Variants in PTPRD observed in about 807,000 individuals in gnomAD.
PTPRD encodes the protein protein tyrosine phosphatase receptor type D, also known as receptor-type tyrosine-protein phosphatase delta.
In PTPRD, 34 loss-of-function variants were observed where a neutral mutation model predicts 214.5. The ratio of observed to expected loss-of-function variants is 0.16; its 90% CI spans 0.12 to 0.21. The LOEUF (loss-of-function observed/expected upper bound fraction) is 0.21. Among genes scored for constraint, PTPRD ranks in the 10% least tolerant of loss-of-function variants. The pLI, the probability that PTPRD is intolerant of heterozygous loss-of-function variation, is 1.00. For synonymous variants in PTPRD, 1,128 were observed against 845.7 expected, an observed-to-expected ratio of 1.33 and a Z score of -5.79; for missense variants, 2,545 against 2,398.7, an observed-to-expected ratio of 1.06 and a Z score of -1.27.
At chr9:9,690,200 T>C (rs967569765) in intron 7 of PTPRD, among the ~76,000 whole-genome samples, 21 of 151,940 alleles carry the variant, frequency 1.4e-4, no homozygotes, top group Non-Finnish European at 2.2e-4. Flanking sequence ...GAGTGAAATA[T>C]CTGACTGTAG....
chr9:10,355,181 TTTAAG>T (rs1443099784), intron 2 of PTPRD, among the ~76,000 whole-genome samples: 1 of 152,182 alleles, frequency 6.6e-6, no homozygotes, highest in Non-Finnish European at 1.5e-5. Flanking sequence ...TTTCATATAA[TTTAAG>T]TTATTAAGAA....
intron 33 of PTPRD, among the ~76,000 whole-genome samples, chr9:8,455,809 T>C (rs1444860297): frequency 1.3e-5 from 2 of 152,196 alleles, no homozygotes; most frequent in South Asian, 2.1e-4. Flanking sequence ...AGGGAATCAG[T>C]TGTAGAAAAA....
At chr9:8,926,530 T>G (rs2154276401) in intron 11 of PTPRD, among the ~76,000 whole-genome samples, 1 of 152,310 alleles carries the variant, frequency 6.6e-6, no homozygotes, top group African/African-American at 2.4e-5. Flanking sequence ...GTGTTTTAAC[T>G]GAAAATTTCT....
At chr9:9,545,005 A>G (rs2078449684) in intron 8 of PTPRD, among the ~76,000 whole-genome samples, 1 of 151,662 alleles carries the variant, frequency 6.6e-6, no homozygotes, top group Non-Finnish European at 1.5e-5. Flanking sequence ...GGAGTTTTAC[A>G]TTCACAGCAA....
rs189786242 is a variant in PTPRD at position 10,222,069 on chromosome 9, T to C, written c.-545+118894A>G. On this transcript the variant is annotated intron_variant, in intron 3 of 45. Transcript: ENST00000381196. Reference sequence around the variant, plus strand: ...AGGTTACAGAAGTGTAAATTACCCATGATCACAATGTATAAAATCACAGTT... The same window carrying C: ...AGGTTACAGAAGTGTAAATTACCCACGATCACAATGTATAAAATCACAGTT... 5.3e-3 allele frequency among the ~76,000 whole-genome samples: 799 copies of C among 152,168 alleles called. 3 individuals carry two copies. Among genetic ancestry groups the C allele is most frequent in the African/African-American group, 0.018 (762 of 41,570 alleles).
At chr9:8,735,133 T>C (rs1210232612) in intron 11 of PTPRD, among the ~76,000 whole-genome samples, 1 of 148,408 alleles carries the variant, frequency 6.7e-6, no homozygotes, top group Non-Finnish European at 1.5e-5. Context: ...ATTTGGTTTT[T>C]TTTTGTTTTT....
chr9:10,084,444 T>C (rs1353765231), intron 3 of PTPRD, among the ~76,000 whole-genome samples: 2 of 151,874 alleles, frequency 1.3e-5, no homozygotes, highest in African/African-American at 2.4e-5. Flanking sequence ...AGGGAAAAAA[T>C]AAAATCCATG....
At chr9:9,148,398 G>T (rs954889644) in intron 10 of PTPRD, among the ~76,000 whole-genome samples, 22 of 152,046 alleles carry the variant, frequency 1.4e-4, no homozygotes, top group African/African-American at 5.3e-4. Context: ...AACCCAACCT[G>T]TAATTATATG....
chr9:9,773,097 G>C (rs1597386409), intron 5 of PTPRD, among the ~76,000 whole-genome samples: 1 of 152,114 alleles, frequency 6.6e-6, no homozygotes, highest in Admixed American at 6.6e-5. Flanking sequence ...TGAATATCAA[G>C]TGAATTTTAT....
chr9:10,458,076 A>G (rs966666765), intron 2 of PTPRD, among the ~76,000 whole-genome samples: 2 of 152,034 alleles, frequency 1.3e-5, no homozygotes, highest in African/African-American at 4.8e-5. Context: ...TCTCCCAGGA[A>G]AGAAAAACCC....
intron 3 of PTPRD, among the ~76,000 whole-genome samples, chr9:10,105,002 GAA>G (rs1465797090): frequency 6.6e-6 from 1 of 151,702 alleles, no homozygotes; most frequent in South Asian, 2.1e-4. Context: ...GTATATCTGG[GAA>G]AAGACTCCAA....
intron 8 of PTPRD, among the ~76,000 whole-genome samples, chr9:9,419,793 A>T (rs2142389152): frequency 6.6e-6 from 1 of 151,942 alleles, no homozygotes. Context: ...CAAGGAAAAC[A>T]AAATGTAATT....
intron 9 of PTPRD, among the ~76,000 whole-genome samples, chr9:9,349,207 G>A (rs939275519): frequency 1.3e-5 from 2 of 152,016 alleles, no homozygotes; most frequent in African/African-American, 4.8e-5. Flanking sequence ...TAAATCTCTT[G>A]CTAGGTGTTA....
intron 5 of PTPRD, among the ~76,000 whole-genome samples, chr9:9,924,689 GT>G (rs1275596630): frequency 9.9e-5 from 15 of 152,056 alleles, no homozygotes; most frequent in African/African-American, 3.6e-4. Flanking sequence ...ATCACAAGGA[GT>G]TTTTAAAAGA....
At chr9:10,261,440 A>T (rs2093694495) in intron 3 of PTPRD, among the ~76,000 whole-genome samples, 1 of 152,144 alleles carries the variant, frequency 6.6e-6, no homozygotes. Context: ...TCAGACATAG[A>T]TACAGACAAA....
rs184710147 is a variant in PTPRD, at chr9:9,664,652, G to C, written c.-287+69881C>G. Among the ~76,000 whole-genome samples the C allele has an allele frequency of 5.9e-5, 9 of 151,796 alleles. No individual in the cohort carries two copies. The East Asian group carries it at 1.7e-3, about 29-fold the overall frequency. ...CTAGGAAAAGAACTGATCAGTAGAA[G>C]AATAAATTGTATCCTTAATGCATGG... On this transcript the variant is annotated intron_variant, in intron 7 of 45. Transcript: ENST00000381196.
At chr9:10,059,990 A>G (rs1460372051) in intron 3 of PTPRD, among the ~76,000 whole-genome samples, 1 of 152,048 alleles carries the variant, frequency 6.6e-6, no homozygotes, top group Non-Finnish European at 1.5e-5. Flanking sequence ...TCCTTCTAAT[A>G]TTAGTGTTGA....
chr9:9,517,451 GTTAA>G (rs769788565), intron 8 of PTPRD, among the ~76,000 whole-genome samples: 1 of 152,040 alleles, frequency 6.6e-6, no homozygotes, highest in Non-Finnish European at 1.5e-5. Context: ...AAAAGCTAGA[GTTAA>G]TTAAAGATGG....
intron 3 of PTPRD, among the ~76,000 whole-genome samples, chr9:10,181,565 G>C (rs1452102474): frequency 1.3e-5 from 2 of 151,454 alleles, no homozygotes; most frequent in Non-Finnish European, 1.5e-5. Flanking sequence ...TCATCAGTTG[G>C]TAAAACAATT....
Sources: allele counts gnomAD v4.1 joint callset (sites outside exome capture counted in the v4.1 genomes callset), GRCh38; gene constraint gnomAD v4.1.1; transcripts MANE v1.5; gene names NCBI Gene and HGNC (gene_info 2026-07-23, HGNC 2026-07-21).